TRDN: variants seen among roughly 807,000 people sequenced by gnomAD.
The protein encoded by TRDN is triadin in skeletal muscle.
Under a neutral mutation model 149.7 loss-of-function variants are expected in TRDN, and 161 were observed. That is an observed-to-expected ratio of 1.08 (90% CI 0.95 to 1.23). The LOEUF is 1.23. TRDN is among the 50% of genes most tolerant of loss of function. The pLI is 0.00. For missense variants in TRDN, 896 were observed against 823.5 expected, an observed-to-expected ratio of 1.09 and a Z score of -1.08; for synonymous variants, 294 against 250.5, an observed-to-expected ratio of 1.17 and a Z score of -1.64.
intron 32 of TRDN, among the ~76,000 whole-genome samples, chr6:123,266,943 T>C (rs1287780085): frequency 2.0e-5 from 3 of 147,160 alleles, no homozygotes; most frequent in South Asian, 2.1e-4. Flanking sequence ...CCTTCTCTAC[T>C]AAAAATACAA....
chr6:123,553,356 G>T (rs557049696), intron 2 of TRDN, among the ~76,000 whole-genome samples: 1 of 152,134 alleles, frequency 6.6e-6, no homozygotes, highest in Admixed American at 6.6e-5. Context: ...TCCTTCCAAG[G>T]AAAGAACAAC....
chr6:123,614,250 G>T (rs894203511), intron 1 of TRDN, among the ~76,000 whole-genome samples: 2 of 119,136 alleles, frequency 1.7e-5, no homozygotes, highest in Non-Finnish European at 3.3e-5. Context: ...CCCACCATAT[G>T]ATTAACATAA....
At chr6:123,433,937 A>G (rs1346372055) in intron 12 of TRDN, 1 of 152,204 alleles carries the variant, frequency 6.6e-6, no homozygotes, top group Non-Finnish European at 1.5e-5. Context: ...CTAATCAAGT[A>G]GGTGAAACGT....
At chr6:123,334,365 C>A (rs1054345617) in intron 22 of TRDN, among the ~76,000 whole-genome samples, 2 of 152,050 alleles carry the variant, frequency 1.3e-5, no homozygotes, top group Non-Finnish European at 2.9e-5. Flanking sequence ...CCTAAAAGTG[C>A]TATTATTTTG....
At chr6:123,484,749 G>T (rs1013796109) in intron 9 of TRDN, among the ~76,000 whole-genome samples, 5 of 152,048 alleles carry the variant, frequency 3.3e-5, no homozygotes, top group Non-Finnish European at 5.9e-5. Flanking sequence ...CTCCTCTTTC[G>T]CAAGACTAGG....
chr6:123,583,453 A>G lies in TRDN; in HGVS notation c.23-12321T>C, dbSNP rs1783241844. 2.6e-5 allele frequency among the ~76,000 whole-genome samples: 4 copies of G among 152,228 alleles called. No homozygotes were observed. The South Asian group carries it at 6.2e-4, about 24-fold the overall frequency. ...GAGAAGGGAAAGTCATAAAAGTATT[A>G]TCCAGTCCTTTTTAAGTTGGTGGCT... On this transcript the variant is annotated intron_variant, in intron 1 of 40. Coordinates refer to ENST00000334268, the MANE Select transcript of TRDN (RefSeq NM_006073.4).
chr6:123,410,512 C>T (rs1582984680), intron 12 of TRDN, among the ~76,000 whole-genome samples: 2 of 152,150 alleles, frequency 1.3e-5, no homozygotes, highest in African/African-American at 4.8e-5. Flanking sequence ...TTTCTCTTCA[C>T]TTATTGAAAC....
chr6:123,533,000 T>C (rs1382810931), intron 4 of TRDN, among the ~76,000 whole-genome samples: 1 of 151,864 alleles, frequency 6.6e-6, no homozygotes, highest in Non-Finnish European at 1.5e-5. Flanking sequence ...AGCCAACAGA[T>C]GCTGTGAAGA....
At position 123,523,751 on chromosome 6, in the gene TRDN, G is replaced by A. The variant is rs147527464; in HGVS notation, c.484+6755C>T. On this transcript the variant is annotated intron_variant, in intron 5 of 40. Transcript: ENST00000334268. Reference sequence around the variant, plus strand: ...GCAGGGACAAGCTTTGGTGTTGAAAGAGAACAAGAAGTCTATGGCAGGAAC... The same window carrying A: ...GCAGGGACAAGCTTTGGTGTTGAAAAAGAACAAGAAGTCTATGGCAGGAAC... 7.4e-3 allele frequency among the ~76,000 whole-genome samples: 1,130 copies of A among 152,220 alleles called. 18 individuals carry two copies. The highest frequency in any genetic ancestry group is 0.025 in the African/African-American group (1,040 of 41,532).
intron 12 of TRDN, among the ~76,000 whole-genome samples, chr6:123,416,203 C>A (rs149015992): frequency 3.4e-4 from 52 of 152,240 alleles, no homozygotes; most frequent in African/African-American, 1.2e-3. Context: ...TAATTGTTTT[C>A]ACTTTTATAA....
intron 19 of TRDN, among the ~76,000 whole-genome samples, chr6:123,369,526 C>G (rs1003037854): frequency 2.6e-5 from 4 of 152,138 alleles, no homozygotes; most frequent in Non-Finnish European, 5.9e-5. Context: ...TTTATGAGAT[C>G]ACTTAGCACT....
Position 123,567,580 on chromosome 6 carries a change from G to A in TRDN, c.232+3343C>T, listed in dbSNP as rs146528862. ...AATCATGGTGGAAGTTGAAGGGAAG[G>A]GGTAGCAGGCAGGTCACATGGATGG... is the stretch of plus-strand genomic sequence containing the variant. On this transcript the variant is annotated intron_variant, in intron 2 of 40. Coordinates refer to ENST00000334268, the MANE Select transcript of TRDN (RefSeq NM_006073.4). Among the ~76,000 whole-genome samples the A allele has an allele frequency of 5.6e-3, 858 of 152,178 alleles. 5 individuals carry two copies. The highest frequency in any genetic ancestry group is 9.0e-3 in the Non-Finnish European group (612 of 68,010).
intron 6 of TRDN, among the ~76,000 whole-genome samples, chr6:123,514,631 AACACACACAC>A (rs60716520): frequency 2.7e-5 from 4 of 147,492 alleles, no homozygotes; most frequent in Non-Finnish European, 6.0e-5. Context: ...ACATACCCAA[AACACACACAC>A]ACACACACAC....
intron 23 of TRDN, among the ~76,000 whole-genome samples, chr6:123,317,627 A>T (rs187116756): frequency 6.6e-6 from 1 of 152,010 alleles, no homozygotes; most frequent in Admixed American, 6.6e-5. Flanking sequence ...AGCTTGGTAG[A>T]TACACCCTAT....
intron 12 of TRDN, among the ~76,000 whole-genome samples, chr6:123,426,284 A>C (rs997025745): frequency 1.3e-5 from 2 of 152,186 alleles, no homozygotes; most frequent in African/African-American, 4.8e-5. Context: ...AAAAAGGTAA[A>C]GGAGTTTTAA....
chr6:123,406,830 C>T (rs913077702), intron 12 of TRDN, among the ~76,000 whole-genome samples: 1 of 152,100 alleles, frequency 6.6e-6, no homozygotes, highest in African/African-American at 2.4e-5. Flanking sequence ...AGAAGGGTTT[C>T]AAGGTTTACT....
intron 10 of TRDN, among the ~76,000 whole-genome samples, chr6:123,461,110 T>C (rs1248652034): frequency 1.3e-5 from 2 of 152,104 alleles, no homozygotes; most frequent in Non-Finnish European, 2.9e-5. Context: ...GCCTGAAAAA[T>C]ACAGGTGTGA....
At chr6:123,375,952 A>AT (rs1216669590) in intron 18 of TRDN, among the ~76,000 whole-genome samples, 2 of 152,094 alleles carry the variant, frequency 1.3e-5, no homozygotes, top group Admixed American at 6.6e-5. Flanking sequence ...AGGCAAATGC[A>AT]TTTTCCTCAA....
intron 21 of TRDN, among the ~76,000 whole-genome samples, chr6:123,346,085 G>A (rs1003592622): frequency 5.9e-5 from 9 of 152,026 alleles, no homozygotes; most frequent in Admixed American, 5.9e-4. Context: ...GCGTGAAAGC[G>A]AACATCCTTG....
Sources: gnomAD v4.1 joint callset for allele counts (sites outside exome capture counted in the v4.1 genomes callset) on GRCh38, gnomAD v4.1.1 for gene constraint, MANE v1.5 for transcripts, NCBI Gene and HGNC (gene_info 2026-07-23, HGNC 2026-07-21) for gene names.